Variants in SLC12A2 observed in about 807,000 individuals in gnomAD.
SLC12A2 encodes solute carrier family 12 member 2.
A neutral mutation model predicts 136.3 loss-of-function variants in SLC12A2; 67 were observed. The ratio of observed to expected loss-of-function variants is 0.49; its 90% CI spans 0.40 to 0.60. SLC12A2 has a LOEUF of 0.60. SLC12A2 is among the 20% of genes least tolerant of loss of function. The pLI is 0.00. For missense variants in SLC12A2, 1,322 were observed against 1,534.7 expected, an observed-to-expected ratio of 0.86 and a Z score of 2.32; for synonymous variants, 619 against 562.9, an observed-to-expected ratio of 1.10 and a Z score of -1.41.
rs531480151 is a variant in SLC12A2, at chr5:128,168,588, C to T, written c.2723+721C>T. On this transcript the variant is annotated intron_variant, in intron 18 of 26. Coordinates refer to ENST00000262461, the MANE Select transcript of SLC12A2 (RefSeq NM_001046.3). ...ATTTATATTATTATTACATATTCAC[C>T]GTAATGTAGACTCAGTGGGAGTCCT... is the stretch of plus-strand genomic sequence containing the variant. 6.6e-5 allele frequency: 10 copies of T among 152,192 alleles called. 1 individual carries two copies. In the South Asian group the frequency reaches 1.2e-3, roughly 19 times the overall value. 9.4% of individuals were successfully genotyped at this position (152,192 alleles called of 1,614,324 possible).
intron 4 of SLC12A2, among the ~76,000 whole-genome samples, chr5:128,124,879 G>C (rs56066100): frequency 0.35 from 52,518 of 151,956 alleles, 11,683 homozygotes; most frequent in African/African-American, 0.63. Flanking sequence ...CGGAAGCTAT[G>C]TAAGGGCCCA....
chr5:128,138,260 C>T (rs1246615228), intron 7 of SLC12A2, among the ~76,000 whole-genome samples: 1 of 152,134 alleles, frequency 6.6e-6, no homozygotes, highest in African/African-American at 2.4e-5. Context: ...TTCTACCTCC[C>T]TTCTTGCTTC....
intron 12 of SLC12A2, 77 bp from the exon 13 acceptor site, chr5:128,149,920 A>G: frequency 1.0e-6 from 1 of 995,594 alleles, no homozygotes; most frequent in Non-Finnish European, 1.6e-6. Flanking sequence ...TGTTATCTAA[A>G]GATTTGAAAT....
At chr5:128,147,546 G>A in intron 10 of SLC12A2, 76 bp from the exon 11 acceptor site, 1 of 891,356 alleles carries the variant, frequency 1.1e-6, no homozygotes, top group Non-Finnish European at 1.8e-6. Context: ...CCTTCAAGAT[G>A]TGACCACATA....
At chr5:128,098,487 T>G (rs13157197) in intron 1 of SLC12A2, among the ~76,000 whole-genome samples, 1 of 149,092 alleles carries the variant, frequency 6.7e-6, no homozygotes, top group Non-Finnish European at 1.5e-5. Context: ...GTTTTTTTTG[T>G]TTTTTTTGTT....
chr5:128,132,171 A>G lies in SLC12A2; in HGVS notation c.1188+965A>G, dbSNP rs541716082. Among the ~76,000 whole-genome samples the G allele has an allele frequency of 2.1e-4, 32 of 152,126 alleles. No homozygotes were observed. In the East Asian group the frequency reaches 5.8e-3, roughly 28 times the overall value. ...GGGGCGTGACATGCTCAGATTTGGG[A>G]TGTAGGGAAGTATCTGACCATGGTA... On this transcript the variant is annotated intron_variant, in intron 5 of 26. Coordinates refer to ENST00000262461, the MANE Select transcript of SLC12A2 (RefSeq NM_001046.3).
chr5:128,121,118 A>G (rs1385885744), intron 4 of SLC12A2, among the ~76,000 whole-genome samples: 1 of 152,146 alleles, frequency 6.6e-6, no homozygotes, highest in Admixed American at 6.5e-5. Context: ...TTAACAGTAC[A>G]TTTTAGAGAT....
At chr5:128,142,155 T>C (rs922322361) in intron 10 of SLC12A2, among the ~76,000 whole-genome samples, 174 bp downstream of exon 10, 45 of 152,326 alleles carry the variant, frequency 3.0e-4, no homozygotes, top group African/African-American at 1.1e-3. Context: ...CAGGCTGTAG[T>C]GCGGTGGTGC....
Position 128,184,676 on chromosome 5 carries a change from T to C in SLC12A2, c.3436-113T>C, listed in dbSNP as rs752081843. The C allele has an allele frequency of 1.2e-5, 18 of 1,542,914 alleles. No homozygotes were observed. The South Asian group carries it at 2.0e-4, about 18-fold the overall frequency. ...AAAAATAAAAATAGAGAACAGATATTTTTATTACACGAAAATTCATTTCAG... is the reference window on the plus strand; with the variant it reads ...AAAAATAAAAATAGAGAACAGATATCTTTATTACACGAAAATTCATTTCAG... On this transcript the variant is annotated intron_variant, in intron 25 of 26. Coordinates refer to ENST00000262461, the MANE Select transcript of SLC12A2 (RefSeq NM_001046.3).
chr5:128,184,641 C>A, intron 25 of SLC12A2, 140 bp downstream of exon 25: 2 of 1,394,298 alleles, frequency 1.4e-6, no homozygotes, highest in Non-Finnish European at 2.0e-6. Context: ...TAGTGGAAAG[C>A]ATTTTTAAAA....
rs1759996139 is a variant in SLC12A2, at chr5:128,084,485, G to C, written c.531G>C (p.Thr177=). ...PNVSFQNGGD[T]VLSEGSSLHS... is the part of the protein sequence containing the mutation. ...TGAGCTTCCAGAACGGCGGGGACACGGTGCTGAGCGAGGGCAGCAGCCTGC... is the reference window on the plus strand; with the variant it reads ...TGAGCTTCCAGAACGGCGGGGACACCGTGCTGAGCGAGGGCAGCAGCCTGC... Residue 177 remains threonine (T), a synonymous_variant, in exon 1 of 27, where the codon ACG becomes ACC. Coordinates refer to ENST00000262461, the MANE Select transcript of SLC12A2 (RefSeq NM_001046.3). This position sits in a 1 kb window ranked among gnomAD's most constrained non-coding sequence, Gnocchi z 5.6. 6.2e-7 allele frequency: 1 copy of C among 1,609,914 alleles called. No individual in the cohort carries two copies. Among genetic ancestry groups the C allele is most frequent in the South Asian group, 1.1e-5 (1 of 90,880 alleles).
At chr5:128,135,114 T>C (rs1422179727) in intron 6 of SLC12A2, among the ~76,000 whole-genome samples, 1 of 152,044 alleles carries the variant, frequency 6.6e-6, no homozygotes, top group Non-Finnish European at 1.5e-5. Context: ...TTTTCATGAG[T>C]GTTCAGGTTT....
At chr5:128,142,265 G>A (rs938689563) in intron 10 of SLC12A2, among the ~76,000 whole-genome samples, 1 of 152,064 alleles carries the variant, frequency 6.6e-6, no homozygotes, top group Non-Finnish European at 1.5e-5. Context: ...ACCACACCCG[G>A]CTAATTTTTG....
At chr5:128,094,074 T>C (rs1046337953) in intron 1 of SLC12A2, among the ~76,000 whole-genome samples, 1 of 151,980 alleles carries the variant, frequency 6.6e-6, no homozygotes, top group Non-Finnish European at 1.5e-5. Flanking sequence ...AGAGGAGGCC[T>C]TCATCCTCCA....
chr5:128,126,967 T>TATATATATATATA (rs1491322749), intron 4 of SLC12A2, among the ~76,000 whole-genome samples: 2 of 29,646 alleles, frequency 6.7e-5, no homozygotes, highest in African/African-American at 3.8e-4. Context: ...TATATATATA[T>TATATATATATATA]TTTTTTTTTT....
In SLC12A2 at chr5:128,184,399, C is replaced by G; in HGVS notation, c.3333C>G (p.Tyr1111Ter). The G allele has an allele frequency of 6.3e-7, 1 of 1,588,954 alleles. No individual in the cohort carries two copies. The highest frequency in any genetic ancestry group is 8.6e-7 in the Non-Finnish European group (1 of 1,164,796). The change falls in exon 25 of 27, where the codon TAC (tyrosine) becomes TAG (stop). Residue 1111 changes from tyrosine to a stop codon, truncating the protein, a stop_gained. Transcript: ENST00000262461. LOFTEE classifies it high-confidence loss of function. ...IIAFEEIIEP[Y>*]RLHEDDKEQD... ...CTTTTGAGGAAATCATTGAGCCATA[C>G]AGACTTCATGAAGATGATAAAGAGC...
intron 18 of SLC12A2, chr5:128,171,113 AGAAAG>A (rs1763363122): frequency 6.6e-6 from 1 of 152,516 alleles, no homozygotes; most frequent in African/African-American, 2.4e-5. Flanking sequence ...AAAAAAAAAA[AGAAAG>A]GGAGAGGTAA....
At chr5:128,178,926 A>G (rs963742270) in intron 22 of SLC12A2, among the ~76,000 whole-genome samples, 2 of 152,092 alleles carry the variant, frequency 1.3e-5, no homozygotes, top group Non-Finnish European at 2.9e-5. Context: ...ACTTTTTTTT[A>G]ATATGAACCA....
chr5:128,185,395 T>G (rs1185755713), intron 26 of SLC12A2, among the ~76,000 whole-genome samples: 1 of 152,150 alleles, frequency 6.6e-6, no homozygotes, highest in African/African-American at 2.4e-5. Context: ...AGGTTAGCTA[T>G]TCTTTGAACC....
Sources: allele counts gnomAD v4.1 joint callset (sites outside exome capture counted in the v4.1 genomes callset), GRCh38; gene constraint gnomAD v4.1.1; non-coding constraint Gnocchi (gnomAD v3.1); transcripts MANE v1.5; gene names NCBI Gene and HGNC (gene_info 2026-07-23, HGNC 2026-07-21).